TIAM1: variants seen among roughly 807,000 people sequenced by gnomAD.
TIAM1 encodes the protein rho guanine nucleotide exchange factor TIAM1.
Under a neutral mutation model 163.5 loss-of-function variants are expected in TIAM1, and 65 were observed. The ratio of observed to expected loss-of-function variants is 0.40; its 90% CI spans 0.33 to 0.49. TIAM1 has a LOEUF of 0.49. Among genes scored for constraint, TIAM1 ranks in the 20% least tolerant of loss-of-function variants. TIAM1 has a pLI of 0.77. For missense variants in TIAM1, 1,789 were observed against 2,044.7 expected (o/e 0.87, Z 2.41); for synonymous variants, 833 against 810.1 (o/e 1.03, Z -0.48).
chr21:31,546,965 G>A (rs2048519611), intron 1 of TIAM1, among the ~76,000 whole-genome samples: 1 of 152,062 alleles, frequency 6.6e-6, no homozygotes, highest in African/African-American at 2.4e-5. Context: ...TAGTGGGGGG[G>A]GGCTGGCTCC....
chr21:31,412,682 TGAG>T (rs1446864517), intron 2 of TIAM1, among the ~76,000 whole-genome samples: 4 of 148,710 alleles, frequency 2.7e-5, no homozygotes, highest in Non-Finnish European at 5.9e-5. Context: ...CTTGGGAGGC[TGAG>T]GAAGGAGAAT....
At chr21:31,310,834 A>T (rs2074897411) in intron 2 of TIAM1, among the ~76,000 whole-genome samples, 1 of 152,228 alleles carries the variant, frequency 6.6e-6, no homozygotes, top group Non-Finnish European at 1.5e-5. Context: ...GGATGGCACT[A>T]ACAACCGTCA....
At chr21:31,398,774 T>G (rs2077115723) in intron 2 of TIAM1, among the ~76,000 whole-genome samples, 1 of 152,276 alleles carries the variant, frequency 6.6e-6, no homozygotes, top group Admixed American at 6.5e-5. Flanking sequence ...TTTAGTGTGA[T>G]ATGAGAATAC....
intron 1 of TIAM1, among the ~76,000 whole-genome samples, chr21:31,509,264 A>T (rs1366248275): frequency 1.3e-5 from 2 of 152,148 alleles, no homozygotes; most frequent in African/African-American, 4.8e-5. Flanking sequence ...TACAGCTGGG[A>T]GTGTCTCACC....
In TIAM1 at chr21:31,361,992, C is replaced by A. The variant is rs191343329; in HGVS notation, c.-368-22570G>T. ...TGTGCATGCAAGTATACATATATGA[C>A]TGACATAAAAACATGTTCCTTGGCT... is the stretch of plus-strand genomic sequence containing the variant. On this transcript the variant is annotated intron_variant, in intron 2 of 28. Coordinates refer to the TIAM1 transcript ENST00000286827. Among the ~76,000 whole-genome samples the A allele has an allele frequency of 2.4e-3, 358 of 151,964 alleles. 1 individual carries two copies. Among genetic ancestry groups the A allele is most frequent in the South Asian group, 0.014 (65 of 4,796 alleles).
At chr21:31,228,242 A>AGG (rs1569068886) in intron 6 of TIAM1, among the ~76,000 whole-genome samples, 2 of 50,714 alleles carry the variant, frequency 3.9e-5, no homozygotes, top group African/African-American at 7.6e-5. Context: ...AAAAAAAAAA[A>AGG]AAAAAAAAAA....
intron 14 of TIAM1, among the ~76,000 whole-genome samples, chr21:31,186,771 A>C (rs1191699953): frequency 1.3e-5 from 2 of 152,058 alleles, no homozygotes; most frequent in African/African-American, 2.4e-5. Context: ...ATAGAGCAAG[A>C]CCTTGTCTCT....
chr21:31,263,484 C>A (rs1373602218), intron 4 of TIAM1, among the ~76,000 whole-genome samples: 1 of 152,044 alleles, frequency 6.6e-6, no homozygotes, highest in Non-Finnish European at 1.5e-5. Context: ...AGGTGACAAG[C>A]CAAAGAATAG....
In TIAM1 at chr21:31,464,726, C is replaced by G. The variant is rs557773283; in HGVS notation, c.-421-691G>C. 1.2e-3 allele frequency among the ~76,000 whole-genome samples: 178 copies of G among 151,964 alleles called. 2 individuals are homozygous for G. The highest frequency in any genetic ancestry group is 1.6e-3 in the Admixed American group (25 of 15,226). On this transcript the variant is annotated intron_variant, in intron 1 of 28. Coordinates refer to the TIAM1 transcript ENST00000286827. ...GGCGTGGGGGCATGCACCTGTAATCCCAACTACTTGGGTGGCTGAGGCAGG... is the reference window on the plus strand; with the variant it reads ...GGCGTGGGGGCATGCACCTGTAATCGCAACTACTTGGGTGGCTGAGGCAGG...
At chr21:31,188,366 C>A (rs1262567087) in intron 13 of TIAM1, among the ~76,000 whole-genome samples, 3 of 152,068 alleles carry the variant, frequency 2.0e-5, no homozygotes, top group Non-Finnish European at 4.4e-5. Flanking sequence ...CTGCTGAAAT[C>A]AAAATATTTT....
intron 1 of TIAM1, among the ~76,000 whole-genome samples, chr21:31,545,965 AC>A (rs2048472190): frequency 6.6e-6 from 1 of 152,220 alleles, no homozygotes; most frequent in South Asian, 2.1e-4. Context: ...TTCTGATTAT[AC>A]AAGTAACTAC....
chr21:31,438,358 A>G (rs1421007668), intron 2 of TIAM1, among the ~76,000 whole-genome samples: 2 of 151,510 alleles, frequency 1.3e-5, no homozygotes, highest in African/African-American at 2.4e-5. Flanking sequence ...TGCCCAGCTA[A>G]TTTTTGTATT....
At chr21:31,314,313 G>C (rs914076375) in intron 2 of TIAM1, among the ~76,000 whole-genome samples, 4 of 152,122 alleles carry the variant, frequency 2.6e-5, no homozygotes, top group Admixed American at 2.0e-4. Flanking sequence ...ACTGATATTA[G>C]AGGTATCCTG....
intron 2 of TIAM1, among the ~76,000 whole-genome samples, chr21:31,371,041 T>C (rs180988977): frequency 6.8e-4 from 104 of 152,320 alleles, no homozygotes; most frequent in African/African-American, 2.5e-3. Flanking sequence ...CTTTCCAGAA[T>C]GACTGTGTTC....
intron 2 of TIAM1, among the ~76,000 whole-genome samples, chr21:31,304,755 T>C (rs1030521444): frequency 2.0e-5 from 3 of 152,048 alleles, no homozygotes; most frequent in African/African-American, 7.2e-5. Flanking sequence ...CCCAGTGGCA[T>C]GATCTCAGCT....
chr21:31,298,809 AGAGAG>A, intron 2 of TIAM1, among the ~76,000 whole-genome samples: 1 of 151,596 alleles, frequency 6.6e-6, no homozygotes. Context: ...TGAGAGAGAG[AGAGAG>A]AGAGAGAGAG....
At chr21:31,509,002 G>A (rs1569398149) in intron 1 of TIAM1, among the ~76,000 whole-genome samples, 1 of 152,174 alleles carries the variant, frequency 6.6e-6, no homozygotes, top group Non-Finnish European at 1.5e-5. Flanking sequence ...CCACCCCCAT[G>A]TCTAGAGAAG....
At chr21:31,180,567 GA>G (rs1363962936) in intron 15 of TIAM1, among the ~76,000 whole-genome samples, 1 of 151,596 alleles carries the variant, frequency 6.6e-6, no homozygotes, top group Non-Finnish European at 1.5e-5. Context: ...TCAGACAGAA[GA>G]AAAAAATCCA....
intron 11 of TIAM1, among the ~76,000 whole-genome samples, chr21:31,206,671 A>G (rs964735330): frequency 2.0e-5 from 3 of 152,340 alleles, no homozygotes; most frequent in East Asian, 3.9e-4. Flanking sequence ...TTTAGTTGGC[A>G]TAATTTTTTA....
Sources: gnomAD v4.1 joint callset for allele counts (sites outside exome capture counted in the v4.1 genomes callset) on GRCh38, gnomAD v4.1.1 for gene constraint, MANE v1.5 for transcripts, NCBI Gene and HGNC (gene_info 2026-07-23, HGNC 2026-07-21) for gene names.